Variants in PDIA5 observed in about 807,000 individuals in gnomAD.
PDIA5 encodes protein disulfide isomerase family A member 5.
PDIA5 carries 58 observed loss-of-function variants against 77.6 expected under a neutral mutation model. The observed-to-expected ratio is 0.75, with a 90% confidence interval of 0.61 to 0.93. The LOEUF (loss-of-function observed/expected upper bound fraction) is 0.93, where lower values mean the gene tolerates loss of function less well. PDIA5 is among the 40% of genes least tolerant of loss of function. The pLI is 0.00. For missense variants in PDIA5, 630 were observed against 647.7 expected, an observed-to-expected ratio of 0.97 and a Z score of 0.30; for synonymous variants, 250 against 252.1, an observed-to-expected ratio of 0.99 and a Z score of 0.08.
intron 3 of PDIA5, among the ~76,000 whole-genome samples, chr3:123,096,276 G>T (rs1017983908): frequency 2.0e-5 from 3 of 152,088 alleles, no homozygotes; most frequent in African/African-American, 7.2e-5. Flanking sequence ...TCGGTTCATT[G>T]CAGACTTGAC....
At chr3:123,088,756 T>C (rs1934207366) in intron 1 of PDIA5, among the ~76,000 whole-genome samples, 1 of 152,230 alleles carries the variant, frequency 6.6e-6, no homozygotes. Flanking sequence ...AAATCATCTC[T>C]AGATTTTTTA....
chr3:123,102,945 C>A, intron 5 of PDIA5, 149 bp downstream of exon 5: 1 of 672,258 alleles, frequency 1.5e-6, no homozygotes. Flanking sequence ...GAGCATATGT[C>A]AGCAGAATAT....
chr3:123,141,235 G>A (rs1011548960), intron 11 of PDIA5, among the ~76,000 whole-genome samples: 28 of 152,144 alleles, frequency 1.8e-4, no homozygotes, highest in African/African-American at 6.5e-4. Flanking sequence ...TCTTGACCAT[G>A]GGCCCTGCCA....
intron 3 of PDIA5, among the ~76,000 whole-genome samples, chr3:123,095,013 G>A (rs1050221859): frequency 6.6e-6 from 1 of 152,258 alleles, no homozygotes; most frequent in South Asian, 2.1e-4. Context: ...AGGTGTCTTT[G>A]CAGGTGTGTG....
intron 7 of PDIA5, among the ~76,000 whole-genome samples, chr3:123,114,372 C>G (rs534663070): frequency 5.9e-5 from 9 of 152,226 alleles, no homozygotes; most frequent in South Asian, 4.2e-4. Context: ...AAGCACCCCC[C>G]CAAATCCTGG....
chr3:123,134,065 T>C (rs1935434709), intron 11 of PDIA5, among the ~76,000 whole-genome samples: 1 of 152,026 alleles, frequency 6.6e-6, no homozygotes, highest in African/African-American at 2.4e-5. Context: ...GCTCTGTCAC[T>C]CAGGCTGGAG....
intron 15 of PDIA5, among the ~76,000 whole-genome samples, chr3:123,157,826 G>A (rs1219493306): frequency 2.0e-5 from 3 of 152,250 alleles, no homozygotes; most frequent in Non-Finnish European, 4.4e-5. Flanking sequence ...GGAACAGATG[G>A]TGTTATTGAA....
intron 9 of PDIA5, 52 bp downstream of exon 9, chr3:123,124,209 C>T (rs770376717): frequency 6.4e-7 from 1 of 1,568,248 alleles, no homozygotes. Context: ...GGTGATTGAC[C>T]ATAATCTCAG....
At chr3:123,077,928 G>A (rs1933897337) in intron 1 of PDIA5, among the ~76,000 whole-genome samples, 1 of 151,488 alleles carries the variant, frequency 6.6e-6, no homozygotes, top group Non-Finnish European at 1.5e-5. Flanking sequence ...TTCTGTCTCA[G>A]CCTCCCGAGT....
At chr3:123,150,461 C>T in intron 14 of PDIA5, 97 bp downstream of exon 14, 1 of 1,164,542 alleles carries the variant, frequency 8.6e-7, no homozygotes, top group Non-Finnish European at 1.2e-6. Flanking sequence ...ACCAAGGCAG[C>T]CGCTGATGGA....
At chr3:123,083,284 T>A (rs1044827167) in intron 1 of PDIA5, among the ~76,000 whole-genome samples, 1 of 152,068 alleles carries the variant, frequency 6.6e-6, no homozygotes, top group Admixed American at 6.5e-5. Context: ...CTGACAGCGA[T>A]GTGCTGGTTG....
chr3:123,158,743 G>A (rs543690089), intron 15 of PDIA5, among the ~76,000 whole-genome samples: 25 of 152,336 alleles, frequency 1.6e-4, no homozygotes, highest in East Asian at 7.7e-4. Flanking sequence ...CACCAGCAGC[G>A]TGTGCCCCAG....
At chr3:123,084,780 T>C (rs1934092139) in intron 1 of PDIA5, among the ~76,000 whole-genome samples, 1 of 152,214 alleles carries the variant, frequency 6.6e-6, no homozygotes, top group African/African-American at 2.4e-5. Context: ...CATTGGGTTT[T>C]GTTGTTTTTC....
intron 10 of PDIA5, among the ~76,000 whole-genome samples, chr3:123,129,490 T>G (rs1935323964): frequency 6.6e-6 from 1 of 152,262 alleles, no homozygotes; most frequent in South Asian, 2.1e-4. Flanking sequence ...CAGCCCTGGC[T>G]GCTGGAACTT....
At chr3:123,130,984 G>A (rs1310104233) in intron 11 of PDIA5, among the ~76,000 whole-genome samples, 2 of 152,136 alleles carry the variant, frequency 1.3e-5, no homozygotes, top group African/African-American at 4.8e-5. Flanking sequence ...ATAAAATTAG[G>A]GCTGATACCT....
chr3:123,070,106 A>T (rs1933686458), intron 1 of PDIA5, among the ~76,000 whole-genome samples: 2 of 145,012 alleles, frequency 1.4e-5, no homozygotes, highest in Middle Eastern at 3.2e-3. Flanking sequence ...AAAAAAAAAG[A>T]AGAAGAAGAA....
intron 5 of PDIA5, among the ~76,000 whole-genome samples, chr3:123,104,629 C>T (rs998110795): frequency 6.6e-6 from 1 of 152,218 alleles, no homozygotes; most frequent in African/African-American, 2.4e-5. Flanking sequence ...GAATAGGAAA[C>T]TCGAAGTGGG....
rs75712108 is a variant in PDIA5 at position 123,133,348 on chromosome 3, T to C, written c.910+2732T>C. Among the ~76,000 whole-genome samples the C allele has an allele frequency of 6.3e-3, 955 of 152,314 alleles. 4 individuals carry two copies. The highest frequency in any genetic ancestry group is 0.011 in the Non-Finnish European group (742 of 68,014). ...TTCCAGGTGTCAGTCCCAGGCCAAA[T>C]ACGGAGTGATTTGGAGACAGACCAT... On this transcript the variant is annotated intron_variant, in intron 11 of 16. Transcript: ENST00000316218.
intron 6 of PDIA5, among the ~76,000 whole-genome samples, chr3:123,108,353 T>C (rs1259487673): frequency 2.7e-5 from 4 of 150,204 alleles, no homozygotes; most frequent in Non-Finnish European, 5.9e-5. Flanking sequence ...TGATCTTGGC[T>C]CACTGCAGCC....
Sources: gnomAD v4.1 joint callset for allele counts (sites outside exome capture counted in the v4.1 genomes callset) on GRCh38, gnomAD v4.1.1 for gene constraint, MANE v1.5 for transcripts, NCBI Gene and HGNC (gene_info 2026-07-23, HGNC 2026-07-21) for gene names.